SLC23A2: variants seen among roughly 807,000 people sequenced by gnomAD.
SLC23A2 encodes Na(+)/L-ascorbic acid transporter 2.
Under a neutral mutation model 73.3 loss-of-function variants are expected in SLC23A2, and 36 were observed. That is an observed-to-expected ratio of 0.49 (90% CI 0.38 to 0.65). SLC23A2 has a LOEUF of 0.65. Among genes scored for constraint, SLC23A2 ranks in the 30% least tolerant of loss-of-function variants. SLC23A2 has a pLI of 0.00. For synonymous variants in SLC23A2, 343 were observed against 327.3 expected, an observed-to-expected ratio of 1.05 and a Z score of -0.52; for missense variants, 507 against 841.6, an observed-to-expected ratio of 0.60 and a Z score of 4.92.
chr20:4,939,294 T>G (rs945160099), intron 2 of SLC23A2, among the ~76,000 whole-genome samples: 1 of 152,192 alleles, frequency 6.6e-6, no homozygotes, highest in Non-Finnish European at 1.5e-5. Context: ...TGTGGTATAA[T>G]GTAAGAGTGG....
At chr20:4,958,788 C>T (rs1205169872) in intron 2 of SLC23A2, among the ~76,000 whole-genome samples, 1 of 151,820 alleles carries the variant, frequency 6.6e-6, no homozygotes, top group African/African-American at 2.4e-5. Context: ...TACCCTAACA[C>T]AATGCTCTGA....
In SLC23A2 at chr20:4,862,694, T is replaced by C; in HGVS notation, c.1486+84A>G. 1 of 1,233,644 alleles carries C rather than the reference T, an allele frequency of 8.1e-7. No homozygotes were observed. Among genetic ancestry groups the C allele is most frequent in the Non-Finnish European group, 1.1e-6 (1 of 874,852 alleles). 76.4% of individuals were successfully genotyped at this position (1,233,644 alleles called of 1,614,324 possible). ...AAATAGAAATTTATCGTTACCTTCT[T>C]ACTGAAGGGAGTCAGCAAAAACACC... On this transcript the variant is annotated intron_variant, in intron 14 of 16. Transcript: ENST00000338244. The surrounding 1 kb of genome is among the most constrained non-coding windows in gnomAD (Gnocchi z 5.1).
Position 4,902,576 on chromosome 20 carries a change from A to G in SLC23A2, c.208-18T>C. 3 of 1,449,696 alleles carry G rather than the reference A, an allele frequency of 2.1e-6. No homozygotes were observed. Among genetic ancestry groups the G allele is most frequent in the Non-Finnish European group, 2.9e-6 (3 of 1,039,014 alleles). 89.8% of individuals were successfully genotyped at this position (1,449,696 alleles called of 1,614,324 possible). On this transcript the variant is annotated intron_variant, in intron 4 of 16. Coordinates refer to ENST00000338244, the MANE Select transcript of SLC23A2 (RefSeq NM_005116.6). This position sits in a 1 kb window ranked among gnomAD's most constrained non-coding sequence, Gnocchi z 4.0. ...AGAGAGCTCTGCGAGCCAGAAGGAG[A>G]AAAGAAGGTGCTCATTAAACGTGAA...
intron 1 of SLC23A2, among the ~76,000 whole-genome samples, chr20:4,995,133 A>T (rs1335503539): frequency 6.6e-6 from 1 of 152,112 alleles, no homozygotes; most frequent in Non-Finnish European, 1.5e-5. Flanking sequence ...GTATGTATAT[A>T]TTCACTTGAA....
intron 1 of SLC23A2, 59 bp downstream of exon 1, chr20:5,001,347 G>T (rs2088121579): frequency 6.8e-6 from 1 of 146,426 alleles, no homozygotes; most frequent in Admixed American, 6.8e-5. Flanking sequence ...GCACCTCGCG[G>T]CCCCGCCGGC....
chr20:4,871,197 G>C (rs1930432943), intron 11 of SLC23A2, among the ~76,000 whole-genome samples: 5 of 152,168 alleles, frequency 3.3e-5, no homozygotes, highest in Admixed American at 3.3e-4. Flanking sequence ...GCTAAAACAT[G>C]GTCTCTCATG....
intron 1 of SLC23A2, among the ~76,000 whole-genome samples, chr20:5,009,951 C>T (rs981783748): frequency 8.6e-5 from 13 of 151,996 alleles, no homozygotes; most frequent in African/African-American, 1.2e-4. Context: ...AAAAATTAGC[C>T]GGGCGTGGTT....
At chr20:4,873,688 G>A (rs1930540663) in intron 11 of SLC23A2, among the ~76,000 whole-genome samples, 1 of 152,182 alleles carries the variant, frequency 6.6e-6, no homozygotes, top group African/African-American at 2.4e-5. Flanking sequence ...CCTTGTCCAG[G>A]ATTTCATCCT....
chr20:5,001,204 C>T (rs942126074), intron 1 of SLC23A2, among the ~76,000 whole-genome samples: 8 of 150,996 alleles, frequency 5.3e-5, no homozygotes, highest in African/African-American at 1.9e-4. Context: ...CATCTTGGGC[C>T]CCGGGGCCAG....
intron 2 of SLC23A2, among the ~76,000 whole-genome samples, chr20:4,940,146 T>C (rs1182080559): frequency 6.6e-6 from 1 of 151,912 alleles, no homozygotes; most frequent in Admixed American, 6.6e-5. Context: ...GGCAAAACCC[T>C]ATCTCTACCA....
At position 4,872,334 on chromosome 20, in the gene SLC23A2, C is replaced by A. The variant is rs1373012667; in HGVS notation, c.1102+1602G>T. Among the ~76,000 whole-genome samples the A allele has an allele frequency of 2.6e-5, 4 of 152,150 alleles. No individual in the cohort carries two copies. The East Asian group carries it at 7.7e-4, about 29-fold the overall frequency. ...TTCTAGCTATGGAGCTCTGGTACCC[C>A]ACCAGCCCTCGGCAGGCCAGGAGCC... On this transcript the variant is annotated intron_variant, in intron 11 of 16. Transcript: ENST00000338244. This position sits in a 1 kb window ranked among gnomAD's most constrained non-coding sequence, Gnocchi z 4.4.
upstream of SLC23A2, among the ~76,000 whole-genome samples, chr20:5,003,866 C>T (rs1442840387): frequency 6.6e-6 from 1 of 152,074 alleles, no homozygotes; most frequent in African/African-American, 2.4e-5. Context: ...GTTTACAGTC[C>T]TTTTCTTCTT....
At chr20:4,903,130 TAA>T (rs1376392939) in intron 4 of SLC23A2, among the ~76,000 whole-genome samples, 3 of 152,166 alleles carry the variant, frequency 2.0e-5, no homozygotes, top group Non-Finnish European at 4.4e-5. Context: ...GAATTCTGTT[TAA>T]AAAACAAAAC....
At chr20:4,937,423 A>C (rs931916333) in intron 2 of SLC23A2, among the ~76,000 whole-genome samples, 1 of 152,190 alleles carries the variant, frequency 6.6e-6, no homozygotes, top group Non-Finnish European at 1.5e-5. Flanking sequence ...GTGGGGAAGG[A>C]GGAGCAGAGG....
upstream of SLC23A2, among the ~76,000 whole-genome samples, chr20:5,004,605 G>A (rs2122394589): frequency 6.6e-6 from 1 of 152,206 alleles, no homozygotes; most frequent in East Asian, 1.9e-4. Flanking sequence ...CAGCATTTTG[G>A]GAGACCAAGG....
intron 2 of SLC23A2, among the ~76,000 whole-genome samples, chr20:4,933,431 T>A (rs545656299): frequency 1.3e-5 from 2 of 151,058 alleles, no homozygotes; most frequent in East Asian, 3.9e-4. Context: ...CTGGCCAACA[T>A]AGTGAAACCC....
At position 4,982,205 on chromosome 20, in the gene SLC23A2, G is replaced by C. The variant is rs906588158; in HGVS notation, c.-281-11286C>G. ...AGACGGGGTTTCACCATGTTGGCCA[G>C]GCTGGTCTCCAACTCCTGACCTCGT... On this transcript the variant is annotated intron_variant, in intron 1 of 16. Coordinates refer to ENST00000338244, the MANE Select transcript of SLC23A2 (RefSeq NM_005116.6). Among the ~76,000 whole-genome samples, 8 of 150,794 alleles carry C rather than the reference G, an allele frequency of 5.3e-5. No individual in the cohort carries two copies. In the Admixed American group the frequency reaches 5.3e-4, roughly 10 times the overall value.
At chr20:4,897,358 C>T (rs977825650) in intron 6 of SLC23A2, among the ~76,000 whole-genome samples, 1 of 152,214 alleles carries the variant, frequency 6.6e-6, no homozygotes, top group Non-Finnish European at 1.5e-5. Flanking sequence ...AATGGCCACA[C>T]TGTGGGGAGG....
chr20:5,005,906 A>G (rs1388789068), upstream of SLC23A2, among the ~76,000 whole-genome samples: 3 of 152,008 alleles, frequency 2.0e-5, no homozygotes, highest in Non-Finnish European at 4.4e-5. Flanking sequence ...GAATCACTTG[A>G]ACCTGGGAGG....
Sources: gnomAD v4.1 joint callset for allele counts (sites outside exome capture counted in the v4.1 genomes callset) on GRCh38, gnomAD v4.1.1 for gene constraint, Gnocchi (gnomAD v3.1) non-coding constraint, MANE v1.5 for transcripts, NCBI Gene and HGNC (gene_info 2026-07-23, HGNC 2026-07-21) for gene names.